The following MMEL1 variants were observed in gnomAD, a reference collection of about 807,000 sequenced individuals.
MMEL1 encodes membrane metallo-endopeptidase-like 1.
MMEL1 carries 98 observed loss-of-function variants against 117.1 expected under a neutral mutation model. The ratio of observed to expected loss-of-function variants is 0.84; its 90% CI spans 0.71 to 0.99. The LOEUF (loss-of-function observed/expected upper bound fraction) is 0.99, where lower values mean the gene tolerates loss of function less well. MMEL1 is among the 50% of genes least tolerant of loss of function. The pLI, the probability that MMEL1 is intolerant of heterozygous loss-of-function variation, is 0.00. For synonymous variants in MMEL1, 390 were observed against 415.1 expected (o/e 0.94, Z 0.74); for missense variants, 1,014 against 1,049.1 (o/e 0.97, Z 0.46).
rs527259973 is a variant in MMEL1, at chr1:2,612,330, G to A, written c.155-126C>T. ...GGTGCTGCAGCCCTACCCCTGTAGT[G>A]AGGGCTGGTCCCCAGGGCAGCGAGA... On this transcript the variant is annotated intron_variant, in intron 2 of 23. Transcript: ENST00000378412. This position sits in a 1 kb window ranked among gnomAD's most constrained non-coding sequence, Gnocchi z 5.4. 1.4e-6 allele frequency: 1 copy of A among 731,092 alleles called. No homozygotes were observed. Among genetic ancestry groups the A allele is most frequent in the Non-Finnish European group, 2.3e-6 (1 of 436,996 alleles). The allele number at this position is 731,092 out of a possible 1,614,324, so 45.3% of individuals were successfully genotyped here. A position where few individuals can be genotyped will look rare whatever the true frequency, so the allele number is the denominator to read the frequency against.
rs757865275 is a variant in MMEL1 at position 2,605,573 on chromosome 1, G to C, written c.801C>G (p.Gly267=). 1 of 1,612,704 alleles carries C rather than the reference G, an allele frequency of 6.2e-7. No homozygotes were observed. Among genetic ancestry groups the C allele is most frequent in the Non-Finnish European group, 8.5e-7 (1 of 1,179,314 alleles). The change falls in exon 9 of 24, where the codon GGC becomes GGG. Residue 267 remains glycine (G), a synonymous_variant. Coordinates refer to ENST00000378412, the MANE Select transcript of MMEL1 (RefSeq NM_033467.4). ...GMPSREYYFN[G]GSNRKVREAY... Reference sequence around the variant, plus strand: ...ACCCACCCACCTTCCGGTTGCTGCCGCCGTTGAAGTAGTACTCTCGGGAGG... The same window carrying C: ...ACCCACCCACCTTCCGGTTGCTGCCCCCGTTGAAGTAGTACTCTCGGGAGG...
chr1:2,624,421 C>T (rs2100964388), intron 2 of MMEL1, among the ~76,000 whole-genome samples: 1 of 152,346 alleles, frequency 6.6e-6, no homozygotes, highest in Middle Eastern at 3.4e-3. Context: ...CAATCCCTCA[C>T]ACTCACGCAC....
chr1:2,629,195 G>T, intron 2 of MMEL1, 136 bp downstream of exon 2: 3 of 933,322 alleles, frequency 3.2e-6, no homozygotes, highest in Non-Finnish European at 4.5e-6. Flanking sequence ...GAGCCCCTGG[G>T]TGCCCAGTGC....
rs368376116 is a variant in MMEL1, at chr1:2,592,050, G to A, written c.2068-23C>T. 82 of 1,601,962 alleles carry A rather than the reference G, an allele frequency of 5.1e-5. No homozygotes were observed. The East Asian group carries it at 5.6e-4, about 11-fold the overall frequency. ...GGCCTGCAGGCACCAGACAGGAGCT[G>A]AGCTCAGGCCTGCCAGCCTGGACTC... On this transcript the variant is annotated intron_variant, in intron 21 of 23. Transcript: ENST00000378412.
In MMEL1 at chr1:2,595,724, C is replaced by T. The variant is rs970188568; in HGVS notation, c.1500+285G>A. On this transcript the variant is annotated intron_variant, in intron 15 of 23. Coordinates refer to ENST00000378412, the MANE Select transcript of MMEL1 (RefSeq NM_033467.4). This position sits in a 1 kb window ranked among gnomAD's most constrained non-coding sequence, Gnocchi z 4.8. ...GCTCCCGAGGCCACCGCTACCCCCG[C>T]TGGCTCATGGGGGGTGCTGGGGATG... Among the ~76,000 whole-genome samples, 3 of 152,140 alleles carry T rather than the reference C, an allele frequency of 2.0e-5. No homozygotes were observed. The highest frequency in any genetic ancestry group is 4.4e-5 in the Non-Finnish European group (3 of 68,010).
rs143126433 is a variant in MMEL1 at position 2,622,815 on chromosome 1, C to T, written c.154+6516G>A. On this transcript the variant is annotated intron_variant, in intron 2 of 23. Transcript: ENST00000378412. ...CAGGAGAATCGCTTGAATCTGGGGGCGAAGGTTGCAGTGAGCCAAAATAGT... is the reference window on the plus strand; with the variant it reads ...CAGGAGAATCGCTTGAATCTGGGGGTGAAGGTTGCAGTGAGCCAAAATAGT... Among the ~76,000 whole-genome samples the T allele has an allele frequency of 6.5e-3, 914 of 141,038 alleles. 11 individuals are homozygous for T. Among genetic ancestry groups the T allele is most frequent in the African/African-American group, 0.023 (849 of 37,268 alleles). 92.5% of individuals were successfully genotyped at this position (141,038 alleles called of 152,430 possible). A position where few individuals can be genotyped will look rare whatever the true frequency, so the allele number is the denominator to read the frequency against.
intron 18 of MMEL1, 175 bp from the exon 19 acceptor site, chr1:2,594,108 T>A: frequency 1.1e-6 from 1 of 943,700 alleles, no homozygotes. Context: ...CTGGGCGGGC[T>A]CGTGCCTGGC....
chr1:2,630,840 A>C (rs985540548), intron 1 of MMEL1, among the ~76,000 whole-genome samples: 6 of 133,978 alleles, frequency 4.5e-5, no homozygotes, highest in African/African-American at 1.7e-4. Flanking sequence ...ATGTGCGTGG[A>C]TATGCACCTG....
chr1:2,629,551 A>G, intron 1 of MMEL1, 30 bp from the exon 2 acceptor site: 2 of 1,385,856 alleles, frequency 1.4e-6, no homozygotes, highest in Non-Finnish European at 1.9e-6. Flanking sequence ...GAGAGGGGAG[A>G]GGGGCGTGGA....
chr1:2,590,922 C>CGACG lies in MMEL1; in HGVS notation c.*67_*68insCGTC. On this transcript the variant is annotated 3_prime_UTR_variant, in exon 24 of 24. Coordinates refer to ENST00000378412, the MANE Select transcript of MMEL1 (RefSeq NM_033467.4). ...GGGACGTACACTGGGTCGCCGCTAG[C>CGACG]TGCACCTTCGCACAGATGCCTCCGA... 1 of 1,241,856 alleles carries CGACG rather than the reference C, an allele frequency of 8.1e-7. No individual in the cohort carries two copies. Among genetic ancestry groups the CGACG allele is most frequent in the Non-Finnish European group, 1.1e-6 (1 of 948,648 alleles). 76.9% of individuals were successfully genotyped at this position (1,241,856 alleles called of 1,614,324 possible).
chr1:2,619,607 A>C (rs1304892076), intron 2 of MMEL1, among the ~76,000 whole-genome samples: 2 of 150,696 alleles, frequency 1.3e-5, no homozygotes, highest in African/African-American at 4.9e-5. Context: ...GCATGGATCC[A>C]AGATCGTGCC....
Position 2,592,171 on chromosome 1 carries a change from G to A in MMEL1, c.2068-144C>T, listed in dbSNP as rs549407609. The A allele has an allele frequency of 3.7e-4, 245 of 664,214 alleles. 1 individual carries two copies. Among genetic ancestry groups the A allele is most frequent in the African/African-American group, 2.4e-3 (134 of 55,390 alleles). 41.1% of individuals were successfully genotyped at this position (664,214 alleles called of 1,614,324 possible). On this transcript the variant is annotated intron_variant, in intron 21 of 23. Transcript: ENST00000378412. Reference sequence around the variant, plus strand: ...TGCAAGGGCCCTTCACACACCCCACGGATGAGCGCTCACCACCTCAGTCAC... The same window carrying A: ...TGCAAGGGCCCTTCACACACCCCACAGATGAGCGCTCACCACCTCAGTCAC...
intron 2 of MMEL1, among the ~76,000 whole-genome samples, chr1:2,629,016 C>A (rs868442492): frequency 6.6e-6 from 1 of 151,922 alleles, no homozygotes. Flanking sequence ...CGCCCCCCAC[C>A]CTCCGGGAGT....
At chr1:2,603,000 G>A (rs2100938575) in intron 11 of MMEL1, among the ~76,000 whole-genome samples, 1 of 152,370 alleles carries the variant, frequency 6.6e-6, no homozygotes, top group South Asian at 2.1e-4. Flanking sequence ...TGCCAGAGCA[G>A]AGCCTGGCCC....
At chr1:2,621,676 G>A (rs1477853146) in intron 2 of MMEL1, among the ~76,000 whole-genome samples, 1 of 151,830 alleles carries the variant, frequency 6.6e-6, no homozygotes, top group Non-Finnish European at 1.5e-5. Context: ...TGATTCTCCT[G>A]CCTCAGCCTC....
chr1:2,602,267 G>GT (rs1395405320), intron 11 of MMEL1, among the ~76,000 whole-genome samples: 3 of 151,410 alleles, frequency 2.0e-5, no homozygotes, highest in Admixed American at 6.6e-5. Flanking sequence ...CGGTGGTCAC[G>GT]TAAGTCTTGA....
At position 2,595,760 on chromosome 1, in the gene MMEL1, G is replaced by T. The variant is rs1055890178; in HGVS notation, c.1500+249C>A. Among the ~76,000 whole-genome samples, 1 of 152,118 alleles carries T rather than the reference G, an allele frequency of 6.6e-6. No homozygotes were observed. Among genetic ancestry groups the T allele is most frequent in the Non-Finnish European group, 1.5e-5 (1 of 68,012 alleles). ...GGGGTGCTGGGGATGTCCCAGGCCT[G>T]GTTCCTGCCCCTGCCTGCTTTTCCT... is the stretch of plus-strand genomic sequence containing the variant. On this transcript the variant is annotated intron_variant, in intron 15 of 23. Transcript: ENST00000378412. The surrounding 1 kb of genome is among the most constrained non-coding windows in gnomAD (Gnocchi z 4.8).
In MMEL1 at chr1:2,603,865, C is replaced by T. The variant is rs772746897; in HGVS notation, c.1041+19G>A. Reference sequence around the variant, plus strand: ...TCTCCACCCGGCCAGTGCCGGCCTCCTGTGTGGTGTGGCCTCACCTTCAGG... The same window carrying T: ...TCTCCACCCGGCCAGTGCCGGCCTCTTGTGTGGTGTGGCCTCACCTTCAGG... On this transcript the variant is annotated intron_variant, in intron 11 of 23. Coordinates refer to ENST00000378412, the MANE Select transcript of MMEL1 (RefSeq NM_033467.4). 1.9e-6 allele frequency: 3 copies of T among 1,611,918 alleles called. No homozygotes were observed. The highest frequency in any genetic ancestry group is 2.2e-5 in the South Asian group (2 of 91,024).
chr1:2,625,378 C>A (rs907707061), intron 2 of MMEL1, among the ~76,000 whole-genome samples: 14 of 152,212 alleles, frequency 9.2e-5, no homozygotes, highest in African/African-American at 3.4e-4. Flanking sequence ...CAGTGTCGAG[C>A]GGGGTCCAGA....
Sources: gnomAD v4.1 joint callset for allele counts (sites outside exome capture counted in the v4.1 genomes callset) on GRCh38, gnomAD v4.1.1 for gene constraint, Gnocchi (gnomAD v3.1) non-coding constraint, MANE v1.5 for transcripts, NCBI Gene and HGNC (gene_info 2026-07-23, HGNC 2026-07-21) for gene names.